Variants in CADM1 observed in about 807,000 individuals in gnomAD.
CADM1 encodes the protein cell adhesion molecule 1, also known as TSLC-1.
CADM1 carries 15 observed loss-of-function variants against 53.1 expected under a neutral mutation model. The observed-to-expected ratio is 0.28, with a 90% CI of 0.19 to 0.44. The LOEUF (loss-of-function observed/expected upper bound fraction) is 0.44. CADM1 is among the 20% of genes least tolerant of loss of function. The pLI is 1.00. For synonymous variants in CADM1, 281 were observed against 243.0 expected, an observed-to-expected ratio of 1.16 and a Z score of -1.45; for missense variants, 434 against 611.3, an observed-to-expected ratio of 0.71 and a Z score of 3.06.
chr11:115,471,660 C>A (rs1311678931), intron 1 of CADM1, among the ~76,000 whole-genome samples: 2 of 152,204 alleles, frequency 1.3e-5, no homozygotes, highest in Non-Finnish European at 2.9e-5. Flanking sequence ...GTGGGGCATT[C>A]TAACATGTTC....
intron 1 of CADM1, among the ~76,000 whole-genome samples, chr11:115,465,745 T>C (rs1948886585): frequency 6.6e-6 from 1 of 151,982 alleles, no homozygotes; most frequent in Non-Finnish European, 1.5e-5. Flanking sequence ...AGATTTTTTT[T>C]CCCCAAGCAT....
intron 1 of CADM1, among the ~76,000 whole-genome samples, chr11:115,281,826 G>T (rs918111940): frequency 3.3e-5 from 5 of 151,826 alleles, no homozygotes; most frequent in Admixed American, 1.3e-4. Flanking sequence ...TGTGCAAAAG[G>T]TAAGTTTAAA....
chr11:115,257,112 T>C lies in CADM1; in HGVS notation c.125-16692A>G, dbSNP rs570986830. On this transcript the variant is annotated intron_variant, in intron 1 of 11. Coordinates refer to ENST00000331581, the MANE Select transcript of CADM1 (RefSeq NM_001301043.2). ...TTACGACTACTTTTCATGTATAAGA[T>C]GCCAAAATCAACACTTCCAACTTTA... Among the ~76,000 whole-genome samples, 4 of 152,322 alleles carry C rather than the reference T, an allele frequency of 2.6e-5. No individual in the cohort carries two copies. The South Asian group carries it at 8.3e-4, about 32-fold the overall frequency.
chr11:115,307,843 C>T (rs1276081339), intron 1 of CADM1, among the ~76,000 whole-genome samples: 1 of 151,846 alleles, frequency 6.6e-6, no homozygotes, highest in Non-Finnish European at 1.5e-5. Context: ...TCCTTTCCTT[C>T]TATGACAATC....
At chr11:115,188,323 G>A (rs962306219) in intron 10 of CADM1, among the ~76,000 whole-genome samples, 2 of 151,970 alleles carry the variant, frequency 1.3e-5, no homozygotes, top group Admixed American at 1.3e-4. Context: ...TAAATGAAAG[G>A]GTTCAAAGTA....
At chr11:115,253,407 G>A (rs1942670946) in intron 1 of CADM1, among the ~76,000 whole-genome samples, 1 of 152,132 alleles carries the variant, frequency 6.6e-6, no homozygotes. Flanking sequence ...GGGGTGTCTG[G>A]AAACCTAACC....
intron 9 of CADM1, among the ~76,000 whole-genome samples, chr11:115,192,444 C>T (rs1312949237): frequency 6.6e-6 from 1 of 152,190 alleles, no homozygotes; most frequent in Non-Finnish European, 1.5e-5. Flanking sequence ...TCCATTTGTT[C>T]TGAAATCTGA....
At chr11:115,428,787 G>A (rs1947965044) in intron 1 of CADM1, among the ~76,000 whole-genome samples, 1 of 152,060 alleles carries the variant, frequency 6.6e-6, no homozygotes, top group African/African-American at 2.4e-5. Context: ...GTGCGTGTGT[G>A]TGTGTGTGTG....
At chr11:115,350,057 C>T (rs1192550265) in intron 1 of CADM1, among the ~76,000 whole-genome samples, 17 of 152,080 alleles carry the variant, frequency 1.1e-4, no homozygotes, top group Non-Finnish European at 2.9e-5. Flanking sequence ...CTGCAACCTC[C>T]GCCTCTTGGG....
At chr11:115,458,372 A>G (rs1356692059) in intron 1 of CADM1, among the ~76,000 whole-genome samples, 2 of 152,062 alleles carry the variant, frequency 1.3e-5, no homozygotes, top group Non-Finnish European at 2.9e-5. Context: ...TTTCCTCATC[A>G]GTAAAATGAG....
intron 1 of CADM1, among the ~76,000 whole-genome samples, chr11:115,477,051 A>G (rs1456418446): frequency 6.6e-6 from 1 of 152,196 alleles, no homozygotes; most frequent in Non-Finnish European, 1.5e-5. Flanking sequence ...TGAAGAGTAC[A>G]GAACAGAGTC....
intron 1 of CADM1, among the ~76,000 whole-genome samples, chr11:115,367,786 G>T (rs1051556556): frequency 2.6e-5 from 4 of 151,572 alleles, no homozygotes; most frequent in Admixed American, 6.6e-5. Flanking sequence ...AAACAGTAAG[G>T]TTATCTCCAG....
chr11:115,286,192 C>T (rs1317911022), intron 1 of CADM1, among the ~76,000 whole-genome samples: 3 of 152,124 alleles, frequency 2.0e-5, no homozygotes, highest in Non-Finnish European at 2.9e-5. Context: ...AATTGCTACT[C>T]GTTATATGCA....
intron 1 of CADM1, among the ~76,000 whole-genome samples, chr11:115,356,764 G>A (rs929680543): frequency 7.2e-5 from 11 of 152,138 alleles, no homozygotes; most frequent in African/African-American, 2.7e-4. Context: ...CAGTGTTTGT[G>A]TTTAATGTAC....
At chr11:115,424,341 A>T (rs181998915) in intron 1 of CADM1, among the ~76,000 whole-genome samples, 7 of 152,288 alleles carry the variant, frequency 4.6e-5, no homozygotes, top group Non-Finnish European at 8.8e-5. Context: ...CATCTCTAGG[A>T]TAACAGGTGC....
rs146771575 is a variant in CADM1, at chr11:115,454,103, T to C, written c.124+50168A>G. On this transcript the variant is annotated intron_variant, in intron 1 of 11. Transcript: ENST00000331581. ...AAACAAAGCCTTGCCTCTTCATGGA[T>C]TTGGAAGCAAAATTAACAAAGGTCT... 1.3e-4 allele frequency among the ~76,000 whole-genome samples: 20 copies of C among 151,518 alleles called. No individual in the cohort carries two copies. In the East Asian group the frequency reaches 3.7e-3, roughly 28 times the overall value.
intron 8 of CADM1, 55 bp from the exon 9 acceptor site, chr11:115,198,493 C>CA (rs956758147): frequency 1.7e-5 from 25 of 1,440,324 alleles, no homozygotes; most frequent in Non-Finnish European, 2.3e-5. Context: ...GAACGGCATG[C>CA]AAAAAAAGGG....
At chr11:115,421,190 T>G (rs564846021) in intron 1 of CADM1, among the ~76,000 whole-genome samples, 1 of 152,186 alleles carries the variant, frequency 6.6e-6, no homozygotes, top group Non-Finnish European at 1.5e-5. Flanking sequence ...CTGGCAAAGT[T>G]TGGCAAGATC....
At chr11:115,250,484 C>T (rs754697808) in intron 1 of CADM1, among the ~76,000 whole-genome samples, 8 of 152,046 alleles carry the variant, frequency 5.3e-5, no homozygotes, top group East Asian at 3.9e-4. Flanking sequence ...AAGACTGTAA[C>T]GGGTAACAAT....
Sources: gnomAD v4.1 joint callset for allele counts (sites outside exome capture counted in the v4.1 genomes callset) on GRCh38, gnomAD v4.1.1 for gene constraint, MANE v1.5 for transcripts, NCBI Gene and HGNC (gene_info 2026-07-23, HGNC 2026-07-21) for gene names.